The following PTPRE variants were observed in gnomAD, a reference collection of about 807,000 sequenced individuals.
PTPRE encodes the protein protein tyrosine phosphatase receptor type E.
A neutral mutation model predicts 102.0 loss-of-function variants in PTPRE; 51 were observed. The observed-to-expected ratio is 0.50, with a 90% CI of 0.40 to 0.63. PTPRE has a LOEUF of 0.63. PTPRE is among the 30% of genes least tolerant of loss of function. The pLI, the probability that PTPRE is intolerant of heterozygous loss-of-function variation, is 0.00. For missense variants in PTPRE, 752 were observed against 915.1 expected (o/e 0.82, Z 2.30); for synonymous variants, 345 against 348.2 (o/e 0.99, Z 0.10).
intron 1 of PTPRE, among the ~76,000 whole-genome samples, chr10:127,978,695 C>G (rs1435190783): frequency 6.6e-6 from 1 of 152,142 alleles, no homozygotes; most frequent in African/African-American, 2.4e-5. Flanking sequence ...TGGTCCAGAG[C>G]CTCACCAAGC....
intron 3 of PTPRE, among the ~76,000 whole-genome samples, chr10:128,046,633 G>A (rs931389148): frequency 6.6e-6 from 1 of 152,126 alleles, no homozygotes; most frequent in Non-Finnish European, 1.5e-5. Flanking sequence ...TGTGGCCAGC[G>A]GGGGAGGAGC....
intron 1 of PTPRE, among the ~76,000 whole-genome samples, chr10:127,963,883 T>C (rs552174723): frequency 1.3e-5 from 2 of 152,330 alleles, no homozygotes; most frequent in African/African-American, 4.8e-5. Context: ...GGCAGTGGTC[T>C]TCAGCCCATT....
In PTPRE at chr10:128,073,385, C is replaced by T. The variant is rs150682477; in HGVS notation, c.1513C>T (p.His505Tyr). 10 of 1,614,100 alleles carry T rather than the reference C, an allele frequency of 6.2e-6. No individual in the cohort carries two copies. The South Asian group carries it at 9.9e-5, about 16-fold the overall frequency. The change falls in exon 17 of 21, where the codon CAC (histidine) becomes TAC (tyrosine). Residue 505 changes from histidine (H) to tyrosine (Y), a missense_variant. This residue lies in a region of PTPRE where 636 missense variants were observed against 824.4 expected (regional missense o/e 0.77). Coordinates refer to ENST00000254667, the MANE Select transcript of PTPRE (RefSeq NM_006504.6). ...YFIATQGPLA[H>Y]TVEDFWRMIW... ...CATCGCCACCCAGGGGCCACTGGCA[C>T]ACACGGTTGAGGACTTCTGGAGGAT...
chr10:128,055,393 G>A (rs111750833), intron 6 of PTPRE, among the ~76,000 whole-genome samples: 3 of 152,160 alleles, frequency 2.0e-5, no homozygotes, highest in Admixed American at 6.5e-5. Context: ...TAGGGGCCCC[G>A]CGGCATTCCT....
At chr10:127,949,632 A>G (rs1848870779) in intron 1 of PTPRE, among the ~76,000 whole-genome samples, 1 of 152,210 alleles carries the variant, frequency 6.6e-6, no homozygotes, top group African/African-American at 2.4e-5. Context: ...TGCTCCTAGC[A>G]CGGCTAAACC....
In PTPRE at chr10:127,988,141, G is replaced by A. The variant is rs78441864; in HGVS notation, c.-8+5845G>A. Among the ~76,000 whole-genome samples, 113 of 152,324 alleles carry A rather than the reference G, an allele frequency of 7.4e-4. 1 individual carries two copies. In the East Asian group the frequency reaches 0.015, roughly 20 times the overall value. ...CGGCGGTGCATCAGGATGAGGTCTCGTGCCAAATGCAAGGGCCGTGGGTGG... is the reference window on the plus strand; with the variant it reads ...CGGCGGTGCATCAGGATGAGGTCTCATGCCAAATGCAAGGGCCGTGGGTGG... On this transcript the variant is annotated intron_variant, in intron 2 of 20. Coordinates refer to ENST00000254667, the MANE Select transcript of PTPRE (RefSeq NM_006504.6).
intron 11 of PTPRE, 105 bp downstream of exon 11, chr10:128,066,299 G>A (rs560515555): frequency 1.7e-5 from 26 of 1,528,462 alleles, no homozygotes; most frequent in South Asian, 1.1e-4. Flanking sequence ...CTCCCAGCCC[G>A]GCACTGTCGC....
chr10:127,913,793 C>T (rs551812105), intron 1 of PTPRE, among the ~76,000 whole-genome samples: 1 of 152,318 alleles, frequency 6.6e-6, no homozygotes, highest in East Asian at 1.9e-4. Context: ...AAGAGGCTGG[C>T]CTCAGAGGTG....
At chr10:128,032,068 TGC>T (rs1013257314) in intron 2 of PTPRE, among the ~76,000 whole-genome samples, 16 of 152,198 alleles carry the variant, frequency 1.1e-4, no homozygotes, top group African/African-American at 3.9e-4. Flanking sequence ...CAGGCTGGAG[TGC>T]AGTGGCGCAA....
At chr10:128,060,694 G>A (rs531053259) in intron 7 of PTPRE, among the ~76,000 whole-genome samples, 9 of 152,230 alleles carry the variant, frequency 5.9e-5, no homozygotes, top group East Asian at 1.9e-4. Flanking sequence ...TACCCTTGTC[G>A]TCATGCCACA....
chr10:127,965,592 T>C (rs758212253), intron 1 of PTPRE, among the ~76,000 whole-genome samples: 3 of 152,244 alleles, frequency 2.0e-5, no homozygotes, highest in Non-Finnish European at 4.4e-5. Context: ...CATAAACATA[T>C]AAATTATCTC....
chr10:128,015,677 T>C (rs976550448), intron 2 of PTPRE, among the ~76,000 whole-genome samples: 9 of 152,144 alleles, frequency 5.9e-5, no homozygotes, highest in Non-Finnish European at 1.3e-4. Flanking sequence ...CATCTTATAA[T>C]TAAAAATTGG....
intron 2 of PTPRE, among the ~76,000 whole-genome samples, chr10:127,983,891 G>A (rs1230246824): frequency 6.6e-6 from 1 of 151,976 alleles, no homozygotes; most frequent in African/African-American, 2.4e-5. Context: ...TCCACCTCCC[G>A]GCCTTGTCTC....
At chr10:128,039,997 A>G (rs964868824) in intron 2 of PTPRE, among the ~76,000 whole-genome samples, 2 of 152,334 alleles carry the variant, frequency 1.3e-5, no homozygotes, top group African/African-American at 4.8e-5. Context: ...ACAGGTCCTC[A>G]GCATGAAAGA....
In PTPRE at chr10:127,926,788, A is replaced by T. The variant is rs536378092; in HGVS notation, c.-31+19479A>T. Among the ~76,000 whole-genome samples, 3 of 148,064 alleles carry T rather than the reference A, an allele frequency of 2.0e-5. No homozygotes were observed. In the South Asian group the frequency reaches 6.5e-4, roughly 32 times the overall value. On this transcript the variant is annotated intron_variant, in intron 1 of 20. Coordinates refer to ENST00000254667, the MANE Select transcript of PTPRE (RefSeq NM_006504.6). Reference sequence around the variant, plus strand: ...GAAAGAGGGGAAGTGAGAGAGACCAAGGGAAAGAGAGTTGTCTTTTTTTTT... The same window carrying T: ...GAAAGAGGGGAAGTGAGAGAGACCATGGGAAAGAGAGTTGTCTTTTTTTTT...
intron 1 of PTPRE, among the ~76,000 whole-genome samples, chr10:127,935,344 T>C (rs1431831444): frequency 6.6e-6 from 1 of 152,200 alleles, no homozygotes; most frequent in Non-Finnish European, 1.5e-5. Context: ...TCTCAGGCTC[T>C]AGCGCTGGTG....
intron 1 of PTPRE, among the ~76,000 whole-genome samples, chr10:127,949,444 C>G (rs1369761173): frequency 6.6e-6 from 1 of 152,138 alleles, no homozygotes; most frequent in Admixed American, 6.5e-5. Flanking sequence ...GCTGGAGACT[C>G]TACTTCTAAT....
intron 1 of PTPRE, among the ~76,000 whole-genome samples, chr10:127,917,723 A>T (rs184941152): frequency 6.6e-6 from 1 of 152,166 alleles, no homozygotes; most frequent in African/African-American, 2.4e-5. Flanking sequence ...GGGTCTAGAC[A>T]ATATTCCTAA....
intron 2 of PTPRE, among the ~76,000 whole-genome samples, chr10:128,020,617 G>A (rs1350817052): frequency 6.6e-6 from 1 of 152,190 alleles, no homozygotes; most frequent in African/African-American, 2.4e-5. Context: ...GAAATGGCCG[G>A]TAGCTTCTGG....
Sources: gnomAD v4.1 joint callset for allele counts (sites outside exome capture counted in the v4.1 genomes callset) on GRCh38, gnomAD v4.1.1 for gene constraint, gnomAD v4.1.1 regional missense constraint, MANE v1.5 for transcripts, NCBI Gene and HGNC (gene_info 2026-07-23, HGNC 2026-07-21) for gene names.